PRKCB: variants seen among roughly 807,000 people sequenced by gnomAD.
PRKCB encodes the protein protein kinase C beta.
PRKCB carries 13 observed loss-of-function variants against 81.5 expected under a neutral mutation model. The observed-to-expected ratio is 0.16, with a 90% confidence interval of 0.10 to 0.25. The LOEUF is 0.25. Ranked by LOEUF, PRKCB falls within the 10% of genes least tolerant of loss-of-function variation. The pLI is 1.00. For missense variants in PRKCB, 509 were observed against 875.7 expected (o/e 0.58, Z 5.29); for synonymous variants, 335 against 321.4 (o/e 1.04, Z -0.45).
In PRKCB at chr16:24,219,828, G is replaced by A; in HGVS notation, c.*5012G>A. 4 of 1,434,958 alleles carry A rather than the reference G, an allele frequency of 2.8e-6. No individual in the cohort carries two copies. The highest frequency in any genetic ancestry group is 2.7e-6 in the Non-Finnish European group (3 of 1,093,692). The allele number at this position is 1,434,958 out of a possible 1,614,324, so 88.9% of individuals were successfully genotyped here. A position where few individuals can be genotyped will look rare whatever the true frequency, so the allele number is the denominator to read the frequency against. On this transcript the variant is annotated 3_prime_UTR_variant, in exon 17 of 17. Coordinates refer to ENST00000643927, the MANE Select transcript of PRKCB (RefSeq NM_002738.7). Reference sequence around the variant, plus strand: ...GAAAGCCAGTGCGTGGAGTGCAGCTGCTAAAAATTTTCAGCACAGGGCTCT... The same window carrying A: ...GAAAGCCAGTGCGTGGAGTGCAGCTACTAAAAATTTTCAGCACAGGGCTCT...
At chr16:24,100,532 T>C (rs55959083) in intron 7 of PRKCB, among the ~76,000 whole-genome samples, 6,785 of 152,166 alleles carry the variant, frequency 0.045, 169 homozygotes, top group Non-Finnish European at 0.06. Context: ...TCTTTTCTGC[T>C]CCTTCTGCTG....
At position 24,147,312 on chromosome 16, in the gene PRKCB, A is replaced by AAAAAC. The variant is rs1967007382; in HGVS notation, c.1066-7368_1066-7367insCAAAA. On this transcript the variant is annotated intron_variant, in intron 9 of 16. Coordinates refer to ENST00000643927, the MANE Select transcript of PRKCB (RefSeq NM_002738.7). ...AACAGAGGAGACTCTGTCTCAAAAA[A>AAAAAC]AAAAAAAAAACTTCACAGCATATGT... 2.0e-5 allele frequency among the ~76,000 whole-genome samples: 3 copies of AAAAAC among 151,914 alleles called. No homozygotes were observed. The South Asian group carries it at 6.3e-4, about 32-fold the overall frequency.
intron 2 of PRKCB, among the ~76,000 whole-genome samples, chr16:23,847,290 C>A (rs1037493403): frequency 2.2e-4 from 34 of 152,062 alleles, no homozygotes; most frequent in Non-Finnish European, 4.4e-5. Flanking sequence ...ATCTTCATGA[C>A]CTTTGGGTGG....
chr16:23,979,899 C>T (rs1964672854), intron 2 of PRKCB, among the ~76,000 whole-genome samples: 1 of 152,092 alleles, frequency 6.6e-6, no homozygotes, highest in African/African-American at 2.4e-5. Context: ...GCCTGGGCAA[C>T]ATAGTGAGAT....
rs556572052 is a variant in PRKCB at position 24,165,524 on chromosome 16, A to T, written c.1240-6746A>T. Reference sequence around the variant, plus strand: ...TCTAAAACTCACTTCTCTGCTCCAGATTGGCTCTGGATTGCCTCTGACAAT... The same window carrying T: ...TCTAAAACTCACTTCTCTGCTCCAGTTTGGCTCTGGATTGCCTCTGACAAT... On this transcript the variant is annotated intron_variant, in intron 10 of 16. Transcript: ENST00000643927. Among the ~76,000 whole-genome samples the T allele has an allele frequency of 2.6e-5, 4 of 152,326 alleles. No individual in the cohort carries two copies. The South Asian group carries it at 8.3e-4, about 32-fold the overall frequency.
At chr16:24,003,829 G>A (rs779795838) in intron 3 of PRKCB, among the ~76,000 whole-genome samples, 1 of 152,180 alleles carries the variant, frequency 6.6e-6, no homozygotes, top group East Asian at 1.9e-4. Flanking sequence ...TAAGAAGAGT[G>A]AAGGAGAAAC....
intron 10 of PRKCB, among the ~76,000 whole-genome samples, chr16:24,163,204 G>A (rs1967290980): frequency 1.3e-5 from 2 of 152,170 alleles, no homozygotes; most frequent in African/African-American, 4.8e-5. Flanking sequence ...TCTACAGGGA[G>A]GGAATAATTG....
chr16:24,076,817 A>G (rs1048260820), intron 5 of PRKCB, among the ~76,000 whole-genome samples: 1 of 152,202 alleles, frequency 6.6e-6, no homozygotes, highest in Non-Finnish European at 1.5e-5. Context: ...GTTTAGAATA[A>G]CAGGCAGAGG....
intron 2 of PRKCB, among the ~76,000 whole-genome samples, chr16:23,890,304 A>G (rs531802305): frequency 6.6e-6 from 1 of 152,316 alleles, no homozygotes; most frequent in South Asian, 2.1e-4. Context: ...CAATTGTAAG[A>G]AGCTGCTTGG....
chr16:24,018,069 T>G (rs1965307675), intron 3 of PRKCB, among the ~76,000 whole-genome samples: 1 of 151,908 alleles, frequency 6.6e-6, no homozygotes, highest in Non-Finnish European at 1.5e-5. Context: ...CAGCTAATTT[T>G]TTGTATTTTT....
chr16:24,176,161 A>G (rs997656186), intron 12 of PRKCB, among the ~76,000 whole-genome samples: 1 of 152,056 alleles, frequency 6.6e-6, no homozygotes, highest in Non-Finnish European at 1.5e-5. Flanking sequence ...AGGGGGAAGG[A>G]TGATCTTATT....
rs746420133 is a variant in PRKCB, at chr16:24,154,780, A to G, written c.1162A>G (p.Met388Val). The stretch of plus-strand genomic sequence containing the variant: ...CCAAGATGATGACGTGGAGTGCACT[A>G]TGGTGGAGAAGCGGGTGTTGGCCCT... Reference protein sequence around the residue: ...VIQDDDVECTMVEKRVLALPG... With the variant: ...VIQDDDVECTVVEKRVLALPG... Residue 388 changes from methionine (M) to valine (V), a missense_variant, in exon 10 of 17, where the codon ATG (methionine) becomes GTG (valine). Physicochemically the swap from Met to Val is conservative, Grantham distance 21. Around this residue, in one of 6 missense-constraint regions of PRKCB, gnomAD observed 106 missense variants for 214.0 expected, o/e 0.50. Transcript: ENST00000643927. 1.9e-6 allele frequency: 3 copies of G among 1,614,208 alleles called. No homozygotes were observed. The highest frequency in any genetic ancestry group is 1.7e-5 in the Admixed American group (1 of 60,024).
At chr16:23,940,662 C>G (rs1225904518) in intron 2 of PRKCB, among the ~76,000 whole-genome samples, 2 of 151,828 alleles carry the variant, frequency 1.3e-5, no homozygotes, top group African/African-American at 4.8e-5. Context: ...ATTTATGTAA[C>G]ATATACAATG....
chr16:23,886,193 T>A (rs933457527), intron 2 of PRKCB, among the ~76,000 whole-genome samples: 2 of 152,132 alleles, frequency 1.3e-5, no homozygotes, highest in African/African-American at 4.8e-5. Context: ...TTGGTTGGCA[T>A]TAGTCTGGCT....
At chr16:24,049,791 C>T (rs1965818345) in intron 5 of PRKCB, among the ~76,000 whole-genome samples, 2 of 152,210 alleles carry the variant, frequency 1.3e-5, no homozygotes, top group African/African-American at 4.8e-5. Flanking sequence ...GGTTTGTGTA[C>T]ATGGGAGGAA....
intron 5 of PRKCB, among the ~76,000 whole-genome samples, chr16:24,050,910 C>T (rs1218572847): frequency 6.6e-6 from 1 of 152,042 alleles, no homozygotes; most frequent in East Asian, 1.9e-4. Context: ...GTGCTGCTAG[C>T]CTGCAGGCCC....
intron 6 of PRKCB, among the ~76,000 whole-genome samples, chr16:24,093,827 T>C (rs1966406278): frequency 6.6e-6 from 1 of 152,182 alleles, no homozygotes; most frequent in Admixed American, 6.5e-5. Flanking sequence ...TATACACATG[T>C]ACACACCCAA....
chr16:23,995,177 G>A (rs1964938634), intron 3 of PRKCB, among the ~76,000 whole-genome samples: 1 of 152,156 alleles, frequency 6.6e-6, no homozygotes, highest in Admixed American at 6.5e-5. Context: ...AGAGACAGAT[G>A]GCCTACTGGG....
chr16:23,864,852 ATCTGATAGG>A (rs1285712308), intron 2 of PRKCB, among the ~76,000 whole-genome samples: 1 of 152,106 alleles, frequency 6.6e-6, no homozygotes, highest in African/African-American at 2.4e-5. Context: ...TGAACCTAGC[ATCTGATAGG>A]TAGTTTTTTG....
Sources: allele counts gnomAD v4.1 joint callset (sites outside exome capture counted in the v4.1 genomes callset), GRCh38; gene constraint gnomAD v4.1.1; regional missense constraint gnomAD v4.1.1; transcripts MANE v1.5; gene names NCBI Gene and HGNC (gene_info 2026-07-23, HGNC 2026-07-21).